Variants in UQCC4 observed in about 807,000 individuals in gnomAD.
UQCC4 encodes the protein cattle cerebrum and skeletal muscle-specific protein 1 family member.
the UQCC4 span, chr16:1,420,160 T>G: frequency 1.9e-6 from 3 of 1,613,984 alleles, no homozygotes; most frequent in South Asian, 3.3e-5. Flanking sequence ...GACGCACGCA[T>G]AGCCAGGACA....
chr16:1,420,699 C>A, the UQCC4 span: 1 of 1,544,060 alleles, frequency 6.5e-7, no homozygotes, highest in Non-Finnish European at 8.7e-7. Context: ...CACCCGGCCG[C>A]CGGGGCACAC....
chr16:1,419,984 G>A, the UQCC4 span: 1 of 1,589,606 alleles, frequency 6.3e-7, no homozygotes, highest in Non-Finnish European at 8.6e-7. Context: ...AGCATACAGT[G>A]CAACTGAAAC....
At chr16:1,420,503 G>A in the UQCC4 span, 165 of 1,614,130 alleles carry the variant, frequency 1.0e-4, no homozygotes, top group Non-Finnish European at 1.3e-4. Flanking sequence ...TCAATGGGGC[G>A]GTCAGGGTCG....
chr16:1,420,644 C>T, the UQCC4 span: 1 of 1,549,876 alleles, frequency 6.5e-7, no homozygotes, highest in Non-Finnish European at 8.7e-7. Flanking sequence ...GCGCTCCGCC[C>T]GCCCGCCGGT....
the UQCC4 span, chr16:1,420,330 C>T: frequency 6.2e-7 from 1 of 1,614,204 alleles, no homozygotes; most frequent in Non-Finnish European, 8.5e-7. Context: ...ACACCTGTCT[C>T]AACCACTGGT....
At chr16:1,420,669 C>T in the UQCC4 span, 4 of 1,549,260 alleles carry the variant, frequency 2.6e-6, no homozygotes, top group Non-Finnish European at 3.5e-6. Flanking sequence ...GCCCTCGGCC[C>T]TCCGAGACCT....
the UQCC4 span, chr16:1,420,688 T>C: frequency 6.5e-7 from 1 of 1,546,124 alleles, no homozygotes; most frequent in Non-Finnish European, 8.7e-7. Context: ...CTTGAGGAGC[T>C]CACCCGGCCG....
chr16:1,420,710 A>G, the UQCC4 span: 19 of 1,542,008 alleles, frequency 1.2e-5, no homozygotes, highest in East Asian at 4.2e-4. Flanking sequence ...CGGGGCACAC[A>G]AGACACGATT....
At chr16:1,420,739 T>C in the UQCC4 span, 3 of 1,536,692 alleles carry the variant, frequency 2.0e-6, no homozygotes, top group Non-Finnish European at 1.7e-6. Context: ...CCTTGACTCC[T>C]CGACTGACGC....
chr16:1,420,720 T>C, the UQCC4 span: 1 of 1,540,202 alleles, frequency 6.5e-7, no homozygotes, highest in Non-Finnish European at 8.7e-7. Context: ...AAGACACGAT[T>C]CATTGCTGCC....
the UQCC4 span, chr16:1,419,797 A>C: frequency 2.5e-6 from 2 of 787,530 alleles, no homozygotes; most frequent in Non-Finnish European, 3.5e-6. Context: ...TTGTTGTGTA[A>C]AACTCACATG....
the UQCC4 span, chr16:1,420,595 C>T: frequency 4.4e-6 from 7 of 1,592,558 alleles, no homozygotes; most frequent in East Asian, 1.4e-4. Context: ...GCCTATGAGC[C>T]TCAGCGCCCG....
chr16:1,420,645 G>T, the UQCC4 span: 4 of 1,549,112 alleles, frequency 2.6e-6, no homozygotes, highest in Non-Finnish European at 3.5e-6. Context: ...CGCTCCGCCC[G>T]CCCGCCGGTG....
At chr16:1,420,261 G>C in the UQCC4 span, 1 of 1,613,716 alleles carries the variant, frequency 6.2e-7, no homozygotes, top group Non-Finnish European at 8.5e-7. Flanking sequence ...TTCTCGCTCT[G>C]TAGGCAGCTG....
chr16:1,420,557 G>A, the UQCC4 span: 1 of 1,612,362 alleles, frequency 6.2e-7, no homozygotes, highest in Non-Finnish European at 8.5e-7. Flanking sequence ...CGGGAACCGG[G>A]CAACGGATGA....
At chr16:1,420,716 C>T in the UQCC4 span, 4 of 1,540,862 alleles carry the variant, frequency 2.6e-6, no homozygotes, top group Admixed American at 3.9e-5. Flanking sequence ...ACACAAGACA[C>T]GATTCATTGC....
chr16:1,420,036 G>T, the UQCC4 span: 1 of 1,610,696 alleles, frequency 6.2e-7, no homozygotes, highest in Non-Finnish European at 8.5e-7. Context: ...GGAATCCTTG[G>T]ACATCAAGAG....
chr16:1,420,636 G>C, the UQCC4 span: 1 of 1,549,390 alleles, frequency 6.5e-7, no homozygotes, highest in Non-Finnish European at 8.7e-7. Context: ...AGCAGTAAGC[G>C]CTCCGCCCGC....
the UQCC4 span, chr16:1,420,642 C>A: frequency 1.3e-6 from 2 of 1,549,924 alleles, no homozygotes; most frequent in African/African-American, 2.7e-5. Flanking sequence ...AAGCGCTCCG[C>A]CCGCCCGCCG....
Sources: allele counts gnomAD v4.1 joint callset, GRCh38; gene constraint gnomAD v4.1.1; transcripts MANE v1.5; gene names NCBI Gene and HGNC (gene_info 2026-07-23, HGNC 2026-07-21).